The following DACH2 variants were observed in gnomAD, a reference collection of about 807,000 sequenced individuals.
The protein encoded by DACH2 is dachshund homolog 2.
Under a neutral mutation model 35.8 loss-of-function variants are expected in DACH2, and 17 were observed. The ratio of observed to expected loss-of-function variants is 0.48; its 90% CI spans 0.33 to 0.71. DACH2 has a LOEUF of 0.71. Ranked by LOEUF, DACH2 falls within the 30% of genes least tolerant of loss-of-function variation. DACH2 has a pLI of 0.02. For missense variants in DACH2, 469 were observed against 472.7 expected (o/e 0.99, Z 0.07); for synonymous variants, 195 against 177.3 (o/e 1.10, Z -0.79).
intron 2 of DACH2, among the ~76,000 whole-genome samples, chrX:86,398,311 C>CGATA (rs1463631207): frequency 4.5e-5 from 5 of 112,153 alleles, no homozygotes; most frequent in Non-Finnish European, 9.4e-5. Flanking sequence ...AGGGGTCTAT[C>CGATA]AATTTTGTTG....
At chrX:86,312,513 T>C (rs886417863) in intron 1 of DACH2, among the ~76,000 whole-genome samples, 2 of 111,581 alleles carry the variant, frequency 1.8e-5, no homozygotes, top group Admixed American at 1.9e-4. Context: ...CAGTATTAAT[T>C]CTGGGTGTGT....
chrX:86,728,815 T>G (rs2041500007), intron 6 of DACH2, among the ~76,000 whole-genome samples: 1 of 112,815 alleles, frequency 8.9e-6, no homozygotes, highest in African/African-American at 3.2e-5. Context: ...AATGCTTGAG[T>G]GAATGAGACT....
At chrX:86,627,237 G>A (rs1569455472) in intron 3 of DACH2, among the ~76,000 whole-genome samples, 1 of 111,624 alleles carries the variant, frequency 9.0e-6, no homozygotes, top group Non-Finnish European at 1.9e-5. Context: ...GATCTGTAGG[G>A]CAGTGGCAAA....
chrX:86,390,384 G>A (rs1328328324), intron 2 of DACH2, among the ~76,000 whole-genome samples: 1 of 110,768 alleles, frequency 9.0e-6, no homozygotes, highest in Admixed American at 9.7e-5. Flanking sequence ...AAGGGGAGAG[G>A]GAGTGCAGGA....
At chrX:86,395,544 C>G (rs1016297940) in intron 2 of DACH2, among the ~76,000 whole-genome samples, 7 of 110,491 alleles carry the variant, frequency 6.3e-5, no homozygotes, top group Non-Finnish European at 1.3e-4. Context: ...TTCCTCCCCC[C>G]ACCCCACAAC....
chrX:86,603,232 G>A lies in DACH2; in HGVS notation c.641-47804G>A, dbSNP rs181572634. Reference sequence around the variant, plus strand: ...TTCTTTCAGGGCAGCAGTGATATTGGATTCGACCTCACCCTAATTACTTGA... The same window carrying A: ...TTCTTTCAGGGCAGCAGTGATATTGAATTCGACCTCACCCTAATTACTTGA... On this transcript the variant is annotated intron_variant, in intron 3 of 11. Transcript: ENST00000373125. Among the ~76,000 whole-genome samples, 25 of 110,672 alleles carry A rather than the reference G, an allele frequency of 2.3e-4. No individual in the cohort carries two copies. In the Admixed American group the frequency reaches 2.3e-3, roughly 10 times the overall value.
At chrX:86,703,733 C>A (rs924282255) in intron 5 of DACH2, among the ~76,000 whole-genome samples, 2 of 111,110 alleles carry the variant, frequency 1.8e-5, no homozygotes, top group Non-Finnish European at 3.8e-5. Context: ...AAGATCTCTA[C>A]CTAGGAATAC....
intron 1 of DACH2, among the ~76,000 whole-genome samples, chrX:86,292,733 G>C (rs1004528351): frequency 8.9e-6 from 1 of 111,945 alleles, no homozygotes; most frequent in Non-Finnish European, 1.9e-5. Context: ...TAGTTGAGCG[G>C]TTTTGAGTGA....
At chrX:86,226,540 A>G (rs1602302861) in intron 1 of DACH2, among the ~76,000 whole-genome samples, 1 of 112,003 alleles carries the variant, frequency 8.9e-6, no homozygotes. Flanking sequence ...CTCTTATGGA[A>G]GTAACTAGAG....
chrX:86,189,644 T>A (rs910320912), intron 1 of DACH2, among the ~76,000 whole-genome samples: 1 of 111,313 alleles, frequency 9.0e-6, no homozygotes, highest in Non-Finnish European at 1.9e-5. Context: ...AATAATACCT[T>A]TTCTTAGGCT....
chrX:86,705,017 T>C (rs1451710737), intron 5 of DACH2, among the ~76,000 whole-genome samples: 2 of 43,511 alleles, frequency 4.6e-5, no homozygotes, highest in Non-Finnish European at 9.1e-5. Flanking sequence ...AACAAGTGGA[T>C]ACAGAAATTG....
chrX:86,581,650 A>G (rs763506777), intron 3 of DACH2, among the ~76,000 whole-genome samples: 41 of 112,235 alleles, frequency 3.7e-4, no homozygotes, highest in Admixed American at 2.0e-3. Flanking sequence ...TTGGCATTAC[A>G]TAATGGTAAT....
At position 86,608,785 on chromosome X, in the gene DACH2, G is replaced by A. The variant is rs188274568; in HGVS notation, c.641-42251G>A. 2.2e-3 allele frequency among the ~76,000 whole-genome samples: 247 copies of A among 111,338 alleles called. 1 individual carries two copies. The highest frequency in any genetic ancestry group is 4.7e-3 in the Middle Eastern group (1 of 214). On this transcript the variant is annotated intron_variant, in intron 3 of 11. Transcript: ENST00000373125. ...TTTTATCCTTCAGCACTTTAAATAT[G>A]CCATAGCATTCTCTCCTATTCTGTA...
chrX:86,249,211 A>G (rs186526922), intron 1 of DACH2, among the ~76,000 whole-genome samples: 181 of 111,642 alleles, frequency 1.6e-3, no homozygotes, highest in African/African-American at 5.2e-3. Flanking sequence ...GTGGGGCCTA[A>G]TTTAACTAAG....
In DACH2 at chrX:86,262,896, T is replaced by C. The variant is rs1354694977; in HGVS notation, c.488+113788T>C. ...TATCAGAAATATCAATATGTCACTG[T>C]TCAGAAATAGAAAGAAACAAACAAT... On this transcript the variant is annotated intron_variant, in intron 1 of 11. Coordinates refer to ENST00000373125, the MANE Select transcript of DACH2 (RefSeq NM_053281.3). 1.7e-5 allele frequency: 8 copies of C among 469,680 alleles called. No individual in the cohort carries two copies. In the East Asian group the frequency reaches 7.5e-4, roughly 44 times the overall value. The allele number at this position is 469,680 out of a possible 1,213,427, so 38.7% of individuals were successfully genotyped here.
intron 7 of DACH2, chrX:86,742,708 T>A (rs1276959288): frequency 3.4e-6 from 1 of 298,240 alleles, no homozygotes; most frequent in Non-Finnish European, 6.4e-6. Context: ...CATCAAAAAA[T>A]TCCAAAAAGA....
rs748554637 is a variant in DACH2, at chrX:86,403,585, CA to C, written c.527+26724del. Among the ~76,000 whole-genome samples the C allele has an allele frequency of 1.4e-3, 160 of 111,889 alleles. 1 individual carries two copies. The highest frequency in any genetic ancestry group is 0.014 in the Admixed American group (144 of 10,555). ...CTGTGGAGAAGAGGGAACACTTATG[CA>C]CTGTGGGAATGTAAATCAGTTCAGC... On this transcript the variant is annotated intron_variant, in intron 2 of 11. Transcript: ENST00000373125.
At chrX:86,185,887 T>C (rs969808610) in intron 1 of DACH2, among the ~76,000 whole-genome samples, 3 of 112,312 alleles carry the variant, frequency 2.7e-5, no homozygotes, top group African/African-American at 9.7e-5. Flanking sequence ...CTGCCATCTT[T>C]ATATAGGGTT....
intron 6 of DACH2, among the ~76,000 whole-genome samples, chrX:86,727,381 T>A (rs1446201435): frequency 3.6e-5 from 4 of 112,083 alleles, no homozygotes; most frequent in African/African-American, 1.3e-4. Flanking sequence ...ATATAAAACT[T>A]GTGAAAATTT....
Sources: allele counts gnomAD v4.1 joint callset (sites outside exome capture counted in the v4.1 genomes callset), GRCh38; gene constraint gnomAD v4.1.1; transcripts MANE v1.5; gene names NCBI Gene and HGNC (gene_info 2026-07-23, HGNC 2026-07-21).